BTBD9: variants seen among roughly 807,000 people sequenced by gnomAD.
The protein encoded by BTBD9 is BTB domain containing 9, also known as BTB/POZ domain-containing protein 9.
BTBD9 carries 49 observed loss-of-function variants against 64.3 expected under a neutral mutation model. That is an observed-to-expected ratio of 0.76 (90% CI 0.61 to 0.97). The LOEUF is 0.97. BTBD9 is among the 50% of genes least tolerant of loss of function. The pLI is 0.00. For missense variants in BTBD9, 598 were observed against 762.1 expected (o/e 0.78, Z 2.53); for synonymous variants, 260 against 274.7 (o/e 0.95, Z 0.53).
chr6:38,209,223 C>A (rs1762753184), intron 9 of BTBD9, among the ~76,000 whole-genome samples: 1 of 152,146 alleles, frequency 6.6e-6, no homozygotes, highest in South Asian at 2.1e-4. Context: ...TCACATCACC[C>A]ATCTGGTCCA....
chr6:38,543,396 T>A (rs888581709), intron 6 of BTBD9, among the ~76,000 whole-genome samples: 2 of 152,364 alleles, frequency 1.3e-5, no homozygotes, highest in Middle Eastern at 3.4e-3. Flanking sequence ...AGAATGTAAA[T>A]GATGCAGGGA....
chr6:38,422,617 G>C (rs1001796731), intron 6 of BTBD9, among the ~76,000 whole-genome samples: 1 of 152,098 alleles, frequency 6.6e-6, no homozygotes, highest in African/African-American at 2.4e-5. Context: ...GATCCCTGTA[G>C]AACAGGGATC....
At chr6:38,308,916 C>A (rs538723059) in intron 7 of BTBD9, among the ~76,000 whole-genome samples, 1 of 151,662 alleles carries the variant, frequency 6.6e-6, no homozygotes, top group Admixed American at 6.6e-5. Flanking sequence ...AGCCACTGCG[C>A]CTGGGCCAAC....
intron 9 of BTBD9, among the ~76,000 whole-genome samples, chr6:38,256,067 T>C (rs1314585517): frequency 6.9e-6 from 1 of 144,272 alleles, no homozygotes; most frequent in Non-Finnish European, 1.5e-5. Flanking sequence ...TTAAAAGTGT[T>C]AAAAAAAAAA....
intron 6 of BTBD9, among the ~76,000 whole-genome samples, chr6:38,508,157 A>C (rs1038832934): frequency 6.6e-6 from 1 of 151,894 alleles, no homozygotes; most frequent in Non-Finnish European, 1.5e-5. Context: ...TTTAGCCCAG[A>C]TCCTGCTTCC....
intron 6 of BTBD9, among the ~76,000 whole-genome samples, chr6:38,469,928 T>G (rs536026834): frequency 6.6e-6 from 1 of 152,182 alleles, no homozygotes; most frequent in East Asian, 1.9e-4. Context: ...ATTGAGCACG[T>G]ACACAAGAAT....
intron 9 of BTBD9, among the ~76,000 whole-genome samples, chr6:38,195,249 A>G (rs1762236518): frequency 6.6e-6 from 1 of 152,242 alleles, no homozygotes; most frequent in Admixed American, 6.5e-5. Flanking sequence ...CTGAGATTTC[A>G]CAGGGCCAGA....
chr6:38,293,083 A>C (rs1396623560), intron 7 of BTBD9, among the ~76,000 whole-genome samples: 1 of 152,138 alleles, frequency 6.6e-6, no homozygotes, highest in African/African-American at 2.4e-5. Flanking sequence ...TTTACCCAGT[A>C]ATCATTCAGG....
chr6:38,543,130 A>G (rs902039806), intron 6 of BTBD9, among the ~76,000 whole-genome samples: 4 of 152,152 alleles, frequency 2.6e-5, no homozygotes, highest in African/African-American at 9.7e-5. Flanking sequence ...CCTTGTTACC[A>G]ATCTACAAAG....
intron 6 of BTBD9, among the ~76,000 whole-genome samples, chr6:38,574,744 G>T (rs1330816309): frequency 6.6e-6 from 1 of 152,070 alleles, no homozygotes; most frequent in Non-Finnish European, 1.5e-5. Flanking sequence ...AGGCACAATC[G>T]TATTACAACA....
intron 7 of BTBD9, among the ~76,000 whole-genome samples, chr6:38,331,770 G>A (rs1357053397): frequency 2.6e-5 from 4 of 152,028 alleles, no homozygotes; most frequent in Non-Finnish European, 5.9e-5. Context: ...GAGGCAGGAG[G>A]ATCATTTGAG....
intron 6 of BTBD9, among the ~76,000 whole-genome samples, chr6:38,515,542 G>A (rs370770762): frequency 4.6e-5 from 7 of 152,252 alleles, no homozygotes; most frequent in African/African-American, 1.2e-4. Flanking sequence ...GAACAAAGAA[G>A]TGTTATTTTC....
chr6:38,330,166 T>C (rs965079707), intron 7 of BTBD9, among the ~76,000 whole-genome samples: 1 of 152,072 alleles, frequency 6.6e-6, no homozygotes, highest in African/African-American at 2.4e-5. Context: ...GCAATTCTCC[T>C]GCCTCAGCCT....
At chr6:38,319,043 C>G (rs984858573) in intron 7 of BTBD9, among the ~76,000 whole-genome samples, 10 of 152,178 alleles carry the variant, frequency 6.6e-5, no homozygotes, top group Non-Finnish European at 1.2e-4. Context: ...CCATTACCAC[C>G]ACAAGCCCAC....
At chr6:38,180,450 T>C (rs1347855251) in intron 10 of BTBD9, among the ~76,000 whole-genome samples, 1 of 152,176 alleles carries the variant, frequency 6.6e-6, no homozygotes, top group Non-Finnish European at 1.5e-5. Context: ...TCTGGAAATA[T>C]TGGGCATGTG....
intron 9 of BTBD9, among the ~76,000 whole-genome samples, chr6:38,212,846 C>G (rs1762881605): frequency 6.6e-6 from 1 of 152,136 alleles, no homozygotes; most frequent in Admixed American, 6.6e-5. Flanking sequence ...CCAATACCAC[C>G]CCCTTCTCCC....
intron 6 of BTBD9, among the ~76,000 whole-genome samples, chr6:38,366,839 G>A (rs146782599): frequency 6.6e-6 from 1 of 152,324 alleles, no homozygotes; most frequent in Non-Finnish European, 1.5e-5. Flanking sequence ...CGTGATATAT[G>A]CTCAGTTTCT....
chr6:38,627,962 T>C (rs192242905), intron 1 of BTBD9, among the ~76,000 whole-genome samples: 1 of 152,306 alleles, frequency 6.6e-6, no homozygotes, highest in East Asian at 1.9e-4. Context: ...TTTACTAAAA[T>C]TGAAGCTCTG....
intron 1 of BTBD9, among the ~76,000 whole-genome samples, chr6:38,623,787 T>C (rs1778078720): frequency 6.6e-6 from 1 of 152,226 alleles, no homozygotes; most frequent in Non-Finnish European, 1.5e-5. Flanking sequence ...GTCAAATTTG[T>C]TTCCTCCAGG....
Sources: allele counts gnomAD v4.1 joint callset (sites outside exome capture counted in the v4.1 genomes callset), GRCh38; gene constraint gnomAD v4.1.1; transcripts MANE v1.5; gene names NCBI Gene and HGNC (gene_info 2026-07-23, HGNC 2026-07-21).